The following ASB18 variants were observed in gnomAD, a reference collection of about 807,000 sequenced individuals.
ASB18 encodes ankyrin repeat and SOCS box protein 18.
Under a neutral mutation model 33.4 loss-of-function variants are expected in ASB18, and 33 were observed. That is an observed-to-expected ratio of 0.99 (90% CI 0.75 to 1.32). The LOEUF is 1.32. Ranked by LOEUF, ASB18 falls within the 40% of genes most tolerant of loss-of-function variation. The pLI, the probability that ASB18 is intolerant of heterozygous loss-of-function variation, is 0.00. For synonymous variants in ASB18, 295 were observed against 307.6 expected (o/e 0.96, Z 0.43); for missense variants, 694 against 655.5 (o/e 1.06, Z -0.64).
rs986980519 is a variant in ASB18 at position 236,237,593 on chromosome 2, ACGGAGG to A, written c.596+90_596+95del. On this transcript the variant is annotated intron_variant, in intron 3 of 5. Coordinates refer to ENST00000409749, the MANE Select transcript of ASB18 (RefSeq NM_212556.4). The surrounding 1 kb of genome is among the most constrained non-coding windows in gnomAD (Gnocchi z 6.2). ...TCTGGGTCCGGAGGCGGGGGCTGGG[ACGGAGG>A]CGGAGGCGGGGTCGGCGGTCTCGTG... 6.8e-6 allele frequency: 7 copies of A among 1,032,436 alleles called. No individual in the cohort carries two copies. Among genetic ancestry groups the A allele is most frequent in the African/African-American group, 1.9e-5 (1 of 52,250 alleles). The allele number at this position is 1,032,436 out of a possible 1,614,324, so 64.0% of individuals were successfully genotyped here. A position where few individuals can be genotyped will look rare whatever the true frequency, so the allele number is the denominator to read the frequency against.
rs1182884314 is a variant in ASB18 at position 236,214,085 on chromosome 2, C to A, written c.1101+277G>T. ...GAAAGGATGCATTCTTCACATGCAA[C>A]CCCTTAATTGTCTCGTGGCTCTAAC... On this transcript the variant is annotated intron_variant, in intron 4 of 5. Coordinates refer to ENST00000409749, the MANE Select transcript of ASB18 (RefSeq NM_212556.4). This position sits in a 1 kb window ranked among gnomAD's most constrained non-coding sequence, Gnocchi z 6.5. 2 of 451,454 alleles carry A rather than the reference C, an allele frequency of 4.4e-6. No individual in the cohort carries two copies. Among genetic ancestry groups the A allele is most frequent in the Non-Finnish European group, 7.8e-6 (2 of 256,680 alleles). The allele number at this position is 451,454 out of a possible 1,614,324, so 28.0% of individuals were successfully genotyped here. A position where few individuals can be genotyped will look rare whatever the true frequency, so the allele number is the denominator to read the frequency against.
At position 236,213,685 on chromosome 2, in the gene ASB18, A is replaced by C. The variant is rs2060469043; in HGVS notation, c.1101+677T>G. ...CAGGGTAGATCTGACGGGTGGAACA[A>C]GGATGAGTTGTTCAGAGTCAAGTCT... On this transcript the variant is annotated intron_variant, in intron 4 of 5. Transcript: ENST00000409749. The surrounding 1 kb of genome is among the most constrained non-coding windows in gnomAD (Gnocchi z 4.8). 2 of 152,118 alleles carry C rather than the reference A, an allele frequency of 1.3e-5. No individual in the cohort carries two copies. Among genetic ancestry groups the C allele is most frequent in the Non-Finnish European group, 2.9e-5 (2 of 68,034 alleles). 9.4% of individuals were successfully genotyped at this position (152,118 alleles called of 1,614,324 possible).
rs373725683 is a variant in ASB18 at position 236,244,633 on chromosome 2, C to G, written c.206-3231G>C. Among the ~76,000 whole-genome samples the G allele has an allele frequency of 6.6e-6, 1 of 152,084 alleles. No homozygotes were observed. The highest frequency in any genetic ancestry group is 2.4e-5 in the African/African-American group (1 of 41,394). On this transcript the variant is annotated intron_variant, in intron 1 of 5. Coordinates refer to ENST00000409749, the MANE Select transcript of ASB18 (RefSeq NM_212556.4). This position sits in a 1 kb window ranked among gnomAD's most constrained non-coding sequence, Gnocchi z 6.1. The stretch of plus-strand genomic sequence containing the variant: ...CCCCTACCCCTCGTCAAGTGCCCCC[C>G]GACCTCTGAGTGCCCAACCAGAGCA...
intron 1 of ASB18, among the ~76,000 whole-genome samples, chr2:236,258,660 C>T (rs1014933295): frequency 1.3e-5 from 2 of 152,282 alleles, no homozygotes; most frequent in African/African-American, 2.4e-5. Context: ...TGTCATGGTT[C>T]GCCCTGCATC....
In ASB18 at chr2:236,200,654, C is replaced by T. The variant is rs569935722; in HGVS notation, c.1102-4269G>A. Among the ~76,000 whole-genome samples the T allele has an allele frequency of 2.6e-5, 4 of 152,214 alleles. No individual in the cohort carries two copies. Among genetic ancestry groups the T allele is most frequent in the Admixed American group, 1.3e-4 (2 of 15,278 alleles). On this transcript the variant is annotated intron_variant, in intron 4 of 5. Coordinates refer to ENST00000409749, the MANE Select transcript of ASB18 (RefSeq NM_212556.4). This position sits in a 1 kb window ranked among gnomAD's most constrained non-coding sequence, Gnocchi z 4.2. ...GCCGGGACACCCCACTGGCTATACC[C>T]AGCTGGAAGGCAGAGGGCCGAGAGC...
At chr2:236,218,579 G>A (rs1260457936) in intron 3 of ASB18, among the ~76,000 whole-genome samples, 2 of 152,042 alleles carry the variant, frequency 1.3e-5, no homozygotes, top group African/African-American at 2.4e-5. Context: ...CCGGCGGATT[G>A]CGAGGTCAGG....
At position 236,237,334 on chromosome 2, in the gene ASB18, C is replaced by CGCGGGGGCCGGGGCCGGGGCGCGGG. The variant is rs1220089332; in HGVS notation, c.596+330_596+354dup. On this transcript the variant is annotated intron_variant, in intron 3 of 5. Coordinates refer to ENST00000409749, the MANE Select transcript of ASB18 (RefSeq NM_212556.4). The surrounding 1 kb of genome is among the most constrained non-coding windows in gnomAD (Gnocchi z 6.2). ...CTCGCAATCAAGCGCTAATTAAACC[C>CGCGGGGGCCGGGGCCGGGGCGCGGG]GCGGGGGCCGGGGCCGGGGCGCGGG... 2.5e-5 allele frequency among the ~76,000 whole-genome samples: 3 copies of CGCGGGGGCCGGGGCCGGGGCGCGGG among 121,446 alleles called. No individual in the cohort carries two copies. The highest frequency in any genetic ancestry group is 3.0e-4 in the South Asian group (1 of 3,318). 79.7% of individuals were successfully genotyped at this position (121,446 alleles called of 152,430 possible). A position where few individuals can be genotyped will look rare whatever the true frequency, so the allele number is the denominator to read the frequency against.
rs983459658 is a variant in ASB18, at chr2:236,249,425, C to G, written c.206-8023G>C. 6.6e-6 allele frequency: 1 copy of G among 152,176 alleles called. No individual in the cohort carries two copies. Among genetic ancestry groups the G allele is most frequent in the Non-Finnish European group, 1.5e-5 (1 of 68,074 alleles). 9.4% of individuals were successfully genotyped at this position (152,176 alleles called of 1,614,324 possible). The stretch of plus-strand genomic sequence containing the variant: ...CTGTCACAGTTTGCACAGCCTTATT[C>G]CACTCTTCACTTCCATTTCTGTTTC... On this transcript the variant is annotated intron_variant, in intron 1 of 5. Coordinates refer to ENST00000409749, the MANE Select transcript of ASB18 (RefSeq NM_212556.4). The surrounding 1 kb of genome is among the most constrained non-coding windows in gnomAD (Gnocchi z 4.6).
At chr2:236,236,104 G>A (rs1388879541) in intron 3 of ASB18, among the ~76,000 whole-genome samples, 1 of 152,160 alleles carries the variant, frequency 6.6e-6, no homozygotes, top group Admixed American at 6.5e-5. Context: ...AACTTTGTTT[G>A]TAAAAGACCC....
At position 236,257,378 on chromosome 2, in the gene ASB18, C is replaced by G. The variant is rs117639357; in HGVS notation, c.205+6763G>C. Among the ~76,000 whole-genome samples the G allele has an allele frequency of 2.8e-3, 423 of 152,316 alleles. 11 individuals are homozygous for G. In the East Asian group the frequency reaches 0.061, roughly 22 times the overall value. ...GTCAAGACAGCAGAGCGCTTCTCCT[C>G]CTGCCTGCCCTGCCGTGGGTGACCT... On this transcript the variant is annotated intron_variant, in intron 1 of 5. Transcript: ENST00000409749. The surrounding 1 kb of genome is among the most constrained non-coding windows in gnomAD (Gnocchi z 5.5).
At position 236,259,459 on chromosome 2, in the gene ASB18, T is replaced by C; in HGVS notation, c.205+4682A>G. ...TATAAAAAGCAGCCTAGCAAGGCCA[T>C]GCACTTCCGTAATGGATGGAGACTA... is the stretch of plus-strand genomic sequence containing the variant. On this transcript the variant is annotated intron_variant, in intron 1 of 5. Coordinates refer to ENST00000409749, the MANE Select transcript of ASB18 (RefSeq NM_212556.4). The surrounding 1 kb of genome is among the most constrained non-coding windows in gnomAD (Gnocchi z 4.4). 2.2e-6 allele frequency: 1 copy of C among 463,986 alleles called. No homozygotes were observed. The highest frequency in any genetic ancestry group is 4.5e-6 in the Non-Finnish European group (1 of 221,650). 28.7% of individuals were successfully genotyped at this position (463,986 alleles called of 1,614,324 possible). A position where few individuals can be genotyped will look rare whatever the true frequency, so the allele number is the denominator to read the frequency against.
chr2:236,236,363 G>A (rs1015365692), intron 3 of ASB18, among the ~76,000 whole-genome samples: 2 of 152,168 alleles, frequency 1.3e-5, no homozygotes, highest in Non-Finnish European at 2.9e-5. Context: ...GCTAGGGATG[G>A]AGAGTGAGAA....
chr2:236,254,533 T>C (rs1225523127), intron 1 of ASB18, among the ~76,000 whole-genome samples: 2 of 151,930 alleles, frequency 1.3e-5, no homozygotes. Flanking sequence ...TCTTTAATCA[T>C]ATTTTTCCAC....
rs568650190 is a variant in ASB18, at chr2:236,256,323, G to T, written c.205+7818C>A. 6.6e-6 allele frequency among the ~76,000 whole-genome samples: 1 copy of T among 152,048 alleles called. No individual in the cohort carries two copies. Among genetic ancestry groups the T allele is most frequent in the Admixed American group, 6.6e-5 (1 of 15,250 alleles). ...GTTACAGGCATGAACCACCATGCCC[G>T]GCCCATAAGTATTTATTAGGTACCT... is the stretch of plus-strand genomic sequence containing the variant. On this transcript the variant is annotated intron_variant, in intron 1 of 5. Coordinates refer to ENST00000409749, the MANE Select transcript of ASB18 (RefSeq NM_212556.4). This position sits in a 1 kb window ranked among gnomAD's most constrained non-coding sequence, Gnocchi z 4.7.
rs1165628269 is a variant in ASB18 at position 236,209,889 on chromosome 2, C to T, written c.1101+4473G>A. Among the ~76,000 whole-genome samples the T allele has an allele frequency of 2.0e-5, 3 of 152,212 alleles. No homozygotes were observed. The highest frequency in any genetic ancestry group is 6.5e-5 in the Admixed American group (1 of 15,282). ...TGCACACATTGCCGTGCCTGTCCTGCTCCAGGACATTTGCCCAGGACGTCT... is the reference window on the plus strand; with the variant it reads ...TGCACACATTGCCGTGCCTGTCCTGTTCCAGGACATTTGCCCAGGACGTCT... On this transcript the variant is annotated intron_variant, in intron 4 of 5. Transcript: ENST00000409749. This position sits in a 1 kb window ranked among gnomAD's most constrained non-coding sequence, Gnocchi z 4.4.
chr2:236,254,841 G>C (rs1019133158), intron 1 of ASB18, among the ~76,000 whole-genome samples: 14 of 152,106 alleles, frequency 9.2e-5, no homozygotes, highest in African/African-American at 3.1e-4. Context: ...CCCAATGAGG[G>C]TGGTGGGGCC....
Position 236,260,652 on chromosome 2 carries a change from A to G in ASB18, c.205+3489T>C, listed in dbSNP as rs551238409. On this transcript the variant is annotated intron_variant, in intron 1 of 5. Coordinates refer to ENST00000409749, the MANE Select transcript of ASB18 (RefSeq NM_212556.4). This position sits in a 1 kb window ranked among gnomAD's most constrained non-coding sequence, Gnocchi z 5.1. ...TCAGAGAAGCATGGAGAAGGAGGGA[A>G]CCTAAACGATGAACCAAGCCAGCAG... Among the ~76,000 whole-genome samples the G allele has an allele frequency of 6.6e-6, 1 of 152,306 alleles. No individual in the cohort carries two copies. The highest frequency in any genetic ancestry group is 2.4e-5 in the African/African-American group (1 of 41,576).
rs58895794 is a variant in ASB18, at chr2:236,245,095, G to A, written c.206-3693C>T. Among the ~76,000 whole-genome samples, 14 of 152,270 alleles carry A rather than the reference G, an allele frequency of 9.2e-5. No individual in the cohort carries two copies. The highest frequency in any genetic ancestry group is 3.4e-4 in the African/African-American group (14 of 41,550). On this transcript the variant is annotated intron_variant, in intron 1 of 5. Transcript: ENST00000409749. The surrounding 1 kb of genome is among the most constrained non-coding windows in gnomAD (Gnocchi z 4.7). ...GTGAGAGTCAACCTCAGCTGGGTGT[G>A]GGGGGAGACTTGGCCATGACCCAAA...
At chr2:236,210,062 G>A (rs1043388358) in intron 4 of ASB18, among the ~76,000 whole-genome samples, 1 of 152,140 alleles carries the variant, frequency 6.6e-6, no homozygotes, top group Admixed American at 6.5e-5. Flanking sequence ...AGTGAGCCTC[G>A]GCTTTGCAGC....
Sources: allele counts gnomAD v4.1 joint callset (sites outside exome capture counted in the v4.1 genomes callset), GRCh38; gene constraint gnomAD v4.1.1; non-coding constraint Gnocchi (gnomAD v3.1); transcripts MANE v1.5; gene names NCBI Gene and HGNC (gene_info 2026-07-23, HGNC 2026-07-21).